Variants in PUDP observed in about 807,000 individuals in gnomAD.
PUDP encodes the protein pseudouridine-5'-phosphatase.
In PUDP, 8 loss-of-function variants were observed where a neutral mutation model predicts 9.4. The ratio of observed to expected loss-of-function variants is 0.85; its 90% CI spans 0.50 to 1.53. The LOEUF (loss-of-function observed/expected upper bound fraction) is 1.53. Ranked by LOEUF, PUDP falls within the 40% of genes most tolerant of loss-of-function variation. PUDP has a pLI of 0.00. For missense variants in PUDP, 188 were observed against 189.7 expected, an observed-to-expected ratio of 0.99 and a Z score of 0.05; for synonymous variants, 99 against 80.7, an observed-to-expected ratio of 1.23 and a Z score of -1.22.
intron 3 of PUDP, among the ~76,000 whole-genome samples, chrX:6,819,027 T>C (rs1381115721): frequency 9.0e-6 from 1 of 111,668 alleles, no homozygotes; most frequent in African/African-American, 3.2e-5. Flanking sequence ...CACTAGAAAA[T>C]TTCTTCCAGA....
chrX:6,797,557 G>T (rs1422958590), intron 3 of PUDP, among the ~76,000 whole-genome samples: 1 of 111,326 alleles, frequency 9.0e-6, no homozygotes, highest in Non-Finnish European at 1.9e-5. Flanking sequence ...TGCATGGTGA[G>T]GAACTGAGGT....
chrX:7,122,215 A>G (rs1045119902), intron 1 of PUDP, among the ~76,000 whole-genome samples: 48 of 99,953 alleles, frequency 4.8e-4, no homozygotes, highest in Non-Finnish European at 7.4e-4. Flanking sequence ...AAACCCATAT[A>G]TGTGTGTGTG....
At chrX:7,011,062 G>C (rs1929469902) in intron 1 of PUDP, among the ~76,000 whole-genome samples, 1 of 112,112 alleles carries the variant, frequency 8.9e-6, no homozygotes, top group Non-Finnish European at 1.9e-5. Flanking sequence ...AATGATTGGG[G>C]CAAATGTGCC....
chrX:6,968,640 C>A (rs1195228387), intron 3 of PUDP, among the ~76,000 whole-genome samples: 1 of 110,054 alleles, frequency 9.1e-6, no homozygotes. Flanking sequence ...TCATCTTTCT[C>A]TCCTTTTTTT....
intron 1 of PUDP, among the ~76,000 whole-genome samples, chrX:7,016,526 T>C (rs1311925618): frequency 9.0e-6 from 1 of 110,805 alleles, no homozygotes; most frequent in African/African-American, 3.3e-5. Context: ...AATAATGGGG[T>C]ACACATTTAT....
intron 3 of PUDP, among the ~76,000 whole-genome samples, chrX:6,945,962 A>G (rs1314598557): frequency 9.0e-6 from 1 of 111,136 alleles, no homozygotes; most frequent in South Asian, 3.9e-4. Context: ...TCCCTCGCTA[A>G]CCACCATTAG....
chrX:6,837,985 T>A (rs1419192485), intron 3 of PUDP, among the ~76,000 whole-genome samples: 1 of 111,165 alleles, frequency 9.0e-6, no homozygotes, highest in Non-Finnish European at 1.9e-5. Flanking sequence ...AGAATGTAAA[T>A]GATGTGCTAG....
chrX:6,800,242 G>A (rs899083110), intron 3 of PUDP, among the ~76,000 whole-genome samples: 5 of 111,464 alleles, frequency 4.5e-5, no homozygotes, highest in Non-Finnish European at 7.5e-5. Flanking sequence ...CCTCAGTCCC[G>A]CCTTTCAAAA....
chrX:7,046,724 C>A (rs1929987322), downstream of PUDP, among the ~76,000 whole-genome samples: 1 of 112,128 alleles, frequency 8.9e-6, no homozygotes. Flanking sequence ...TTCACCATCC[C>A]TTTCACACGG....
intron 3 of PUDP, among the ~76,000 whole-genome samples, chrX:6,812,313 A>G (rs1926157098): frequency 1.8e-5 from 2 of 112,118 alleles, no homozygotes; most frequent in South Asian, 3.8e-4. Flanking sequence ...AGGATGATGA[A>G]TAGGAGTTTT....
At chrX:6,831,139 A>G (rs981457136) in intron 3 of PUDP, among the ~76,000 whole-genome samples, 1 of 111,546 alleles carries the variant, frequency 9.0e-6, no homozygotes, top group Non-Finnish European at 1.9e-5. Context: ...CACAAGATCA[A>G]ATGAGCCAGT....
chrX:6,859,805 A>G (rs1310311555), intron 3 of PUDP, among the ~76,000 whole-genome samples: 2 of 110,887 alleles, frequency 1.8e-5, no homozygotes, highest in African/African-American at 6.6e-5. Context: ...CCCACAGACA[A>G]TCAGCAGCAC....
intron 3 of PUDP, among the ~76,000 whole-genome samples, chrX:6,894,554 A>G (rs142225409): frequency 0.049 from 5,529 of 112,012 alleles, 144 homozygotes; most frequent in East Asian, 0.15. Context: ...GCAAAGTCCT[A>G]TTTTTGTATC....
chrX:6,895,195 A>G, intron 3 of PUDP, among the ~76,000 whole-genome samples: 1 of 108,622 alleles, frequency 9.2e-6, no homozygotes, highest in Non-Finnish European at 1.9e-5. Context: ...ATTTCCCACA[A>G]CTACCACCAA....
chrX:6,948,698 G>T (rs1464518534), intron 3 of PUDP, among the ~76,000 whole-genome samples: 1 of 112,063 alleles, frequency 8.9e-6, no homozygotes, highest in African/African-American at 3.2e-5. Context: ...TCCATAGTTT[G>T]CATATCGTGT....
At chrX:7,137,464 G>A (rs984985145) in intron 1 of PUDP, among the ~76,000 whole-genome samples, 25 of 106,489 alleles carry the variant, frequency 2.3e-4, no homozygotes, top group African/African-American at 7.6e-4. Flanking sequence ...GGAGAAAGGC[G>A]TGAACCTGGG....
In PUDP at chrX:7,127,717, T is replaced by C. The variant is rs943430324; in HGVS notation, c.61+20336A>G. Reference sequence around the variant, plus strand: ...TTGTACTTTTTAATTGAATTTGGCCTATGAGAACAATAATGCTAATAAATA... The same window carrying C: ...TTGTACTTTTTAATTGAATTTGGCCCATGAGAACAATAATGCTAATAAATA... On this transcript the variant is annotated intron_variant, in intron 1 of 3. Coordinates refer to ENST00000381077, the MANE Select transcript of PUDP (RefSeq NM_012080.5). Among the ~76,000 whole-genome samples the C allele has an allele frequency of 8.9e-5, 10 of 112,560 alleles. No homozygotes were observed. In the East Asian group the frequency reaches 2.8e-3, roughly 31 times the overall value.
chrX:6,767,461 G>GA (rs1246289453), intron 3 of PUDP, among the ~76,000 whole-genome samples: 1 of 112,554 alleles, frequency 8.9e-6, no homozygotes, highest in Non-Finnish European at 1.9e-5. Flanking sequence ...GGCGAATGTG[G>GA]AATACATGGC....
At chrX:6,742,495 G>T (rs1428458483) in intron 3 of PUDP, among the ~76,000 whole-genome samples, 1 of 112,609 alleles carries the variant, frequency 8.9e-6, no homozygotes, top group Non-Finnish European at 1.9e-5. Flanking sequence ...TGGGCTGAGT[G>T]TGGTGGCTCA....
Sources: allele counts gnomAD v4.1 joint callset (sites outside exome capture counted in the v4.1 genomes callset), GRCh38; gene constraint gnomAD v4.1.1; transcripts MANE v1.5; gene names NCBI Gene and HGNC (gene_info 2026-07-23, HGNC 2026-07-21).